The following SNAPC3 variants were observed in gnomAD, a reference collection of about 807,000 sequenced individuals.
The protein encoded by SNAPC3 is small nuclear RNA activating complex polypeptide 3.
SNAPC3 carries 56 observed loss-of-function variants against 47.7 expected under a neutral mutation model. The observed-to-expected ratio is 1.18, with a 90% CI of 0.95 to 1.47. The LOEUF (loss-of-function observed/expected upper bound fraction) is 1.47. SNAPC3 is among the 40% of genes most tolerant of loss of function. The pLI, the probability that SNAPC3 is intolerant of heterozygous loss-of-function variation, is 0.00. For missense variants in SNAPC3, 665 were observed against 511.3 expected (o/e 1.30, Z -2.90); for synonymous variants, 235 against 189.9 (o/e 1.24, Z -1.95).
At chr9:15,424,290 A>C (rs1388625558) in intron 2 of SNAPC3, among the ~76,000 whole-genome samples, 3 of 152,212 alleles carry the variant, frequency 2.0e-5, no homozygotes, top group African/African-American at 7.2e-5. Context: ...ACCTAAGAAA[A>C]CCGTAAATAC....
At chr9:15,461,689 A>G (rs1378226077), downstream of SNAPC3, 2 of 152,220 alleles carry the variant, frequency 1.3e-5, no homozygotes, top group African/African-American at 2.4e-5. Flanking sequence ...TATCTTACAC[A>G]TGGAAAACTG....
intron 3 of SNAPC3, among the ~76,000 whole-genome samples, chr9:15,435,363 A>C (rs1397428119): frequency 6.6e-6 from 1 of 152,204 alleles, no homozygotes; most frequent in Admixed American, 6.5e-5. Flanking sequence ...ACCTGAGGTC[A>C]GGAGTTCCAG....
chr9:15,428,508 CAAAA>C (rs397952770), intron 2 of SNAPC3, among the ~76,000 whole-genome samples: 1 of 129,262 alleles, frequency 7.7e-6, no homozygotes. Flanking sequence ...GACTCTGTCT[CAAAA>C]AAAAAAAAAA....
At chr9:15,463,726 A>T (rs566475955), downstream of SNAPC3, 1 of 152,252 alleles carries the variant, frequency 6.6e-6, no homozygotes, top group Admixed American at 6.5e-5. Flanking sequence ...AGAAACAGCA[A>T]TTATGCTTGA....
chr9:15,466,723 A>G (rs376224433), downstream of SNAPC3: 4 of 1,548,000 alleles, frequency 2.6e-6, no homozygotes, highest in Middle Eastern at 1.7e-4. Context: ...AAAACACACA[A>G]GACCCATTAA....
chr9:15,427,244 T>G (rs1407146096), intron 2 of SNAPC3, among the ~76,000 whole-genome samples: 1 of 152,214 alleles, frequency 6.6e-6, no homozygotes, highest in Non-Finnish European at 1.5e-5. Flanking sequence ...ACTACTTAGT[T>G]GGTTTTAATT....
At chr9:15,436,339 C>T (rs533935854) in intron 3 of SNAPC3, among the ~76,000 whole-genome samples, 1 of 152,248 alleles carries the variant, frequency 6.6e-6, no homozygotes, top group East Asian at 1.9e-4. Context: ...GTCTTTGATC[C>T]ACTTTGAGTT....
Position 15,447,174 on chromosome 9 carries a change from G to C in SNAPC3, c.662G>C (p.Cys221Ser). ...KLTQLRDSIR[C>S]VSDLQIGGEF... ...ACACAACTGAGGGATTCAATTCGAT[G>C]TGTCAGTGACCTCCAGATTGGTGGT... The change falls in exon 5 of 9, where the codon TGT becomes TCT. Residue 221 changes from cysteine (C) to serine (S), a missense_variant. Transcript: ENST00000380821. 1 of 1,613,974 alleles carries C rather than the reference G, an allele frequency of 6.2e-7. No homozygotes were observed. Among genetic ancestry groups the C allele is most frequent in the Non-Finnish European group, 8.5e-7 (1 of 1,179,842 alleles).
intron 5 of SNAPC3, among the ~76,000 whole-genome samples, chr9:15,449,563 A>ATATATT (rs1481688749): frequency 1.3e-4 from 5 of 39,520 alleles, no homozygotes; most frequent in African/African-American, 5.3e-4. Context: ...ATATATATAT[A>ATATATT]TTTTTTTTTT....
At chr9:15,452,129 A>G (rs963430191) in intron 6 of SNAPC3, among the ~76,000 whole-genome samples, 15 of 151,416 alleles carry the variant, frequency 9.9e-5, no homozygotes, top group African/African-American at 3.6e-4. Context: ...TGCCCAGCTA[A>G]TTTTTGTATT....
At chr9:15,450,304 C>T (rs1466520739) in intron 5 of SNAPC3, among the ~76,000 whole-genome samples, 1 of 152,004 alleles carries the variant, frequency 6.6e-6, no homozygotes, top group African/African-American at 2.4e-5. Context: ...CTGATGCGAA[C>T]ACAAGATAAT....
At chr9:15,444,758 G>A (rs2033791541) in intron 4 of SNAPC3, 52 bp downstream of exon 4, 1 of 977,128 alleles carries the variant, frequency 1.0e-6, no homozygotes, top group Non-Finnish European at 1.6e-6. Flanking sequence ...TTTTGTAAAA[G>A]TGTTTAATTA....
chr9:15,431,231 G>A (rs1026063870), intron 2 of SNAPC3, among the ~76,000 whole-genome samples: 1 of 152,096 alleles, frequency 6.6e-6, no homozygotes, highest in Non-Finnish European at 1.5e-5. Flanking sequence ...TGCCCTTGAG[G>A]GTGGATTTCC....
intron 7 of SNAPC3, 26 bp from the exon 8 acceptor site, chr9:15,457,932 AAT>A: frequency 7.4e-7 from 1 of 1,343,550 alleles, no homozygotes; most frequent in Non-Finnish European, 1.0e-6. Context: ...TTGTCACCTT[AAT>A]ATCTTTATTT....
chr9:15,425,103 C>T (rs2031182943), intron 2 of SNAPC3, among the ~76,000 whole-genome samples: 1 of 152,216 alleles, frequency 6.6e-6, no homozygotes, highest in Non-Finnish European at 1.5e-5. Context: ...TGAAGCCTTC[C>T]ACATATATCC....
intron 8 of SNAPC3, among the ~76,000 whole-genome samples, chr9:15,458,761 TA>T (rs912409515): frequency 4.0e-5 from 6 of 151,580 alleles, no homozygotes; most frequent in African/African-American, 9.7e-5. Flanking sequence ...AAAAAACATA[TA>T]AAAAAAATCT....
intron 3 of SNAPC3, among the ~76,000 whole-genome samples, chr9:15,441,838 C>T (rs1211635012): frequency 6.6e-6 from 1 of 152,222 alleles, no homozygotes; most frequent in Non-Finnish European, 1.5e-5. Flanking sequence ...TATCTTTTCC[C>T]CACATTTCCC....
At chr9:15,457,636 G>A (rs2034895123) in intron 7 of SNAPC3, among the ~76,000 whole-genome samples, 1 of 152,042 alleles carries the variant, frequency 6.6e-6, no homozygotes, top group African/African-American at 2.4e-5. Flanking sequence ...AGCAAAGCAA[G>A]GATTCTCTGG....
Position 15,423,936 on chromosome 9 carries a change from C to T in SNAPC3, c.342C>T (p.Asp114=), listed in dbSNP as rs2030964061. ...TTGATAAACTGAAATGCCTTGAGGA[C>T]GGTGAGGATCCAGAAGTCATTCCGG... The part of the protein sequence containing the change: ...CGLDKLKCLE[D]GEDPEVIPEN... The change falls in exon 2 of 9, where the codon GAC becomes GAT. Residue 114 remains aspartate (D), a synonymous_variant. Coordinates refer to ENST00000380821, the MANE Select transcript of SNAPC3 (RefSeq NM_001039697.2). 6.3e-7 allele frequency: 1 copy of T among 1,584,516 alleles called. No individual in the cohort carries two copies. The highest frequency in any genetic ancestry group is 8.6e-7 in the Non-Finnish European group (1 of 1,166,550).
Sources: allele counts gnomAD v4.1 joint callset (sites outside exome capture counted in the v4.1 genomes callset), GRCh38; gene constraint gnomAD v4.1.1; transcripts MANE v1.5; gene names NCBI Gene and HGNC (gene_info 2026-07-23, HGNC 2026-07-21).